The following PLA2G10 variants were observed in gnomAD, a reference collection of about 807,000 sequenced individuals.
PLA2G10 encodes phospholipase A2 group X, also known as group 10 secretory phospholipase A2.
In PLA2G10, 9 loss-of-function variants were observed where a neutral mutation model predicts 7.9. The ratio of observed to expected loss-of-function variants is 1.14; its 90% CI spans 0.68 to 1.98. The LOEUF (loss-of-function observed/expected upper bound fraction) is 1.98, where lower values mean the gene tolerates loss of function less well. PLA2G10 is among the 30% of genes most tolerant of loss of function. PLA2G10 has a pLI of 0.00. For synonymous variants in PLA2G10, 19 were observed against 27.5 expected, an observed-to-expected ratio of 0.69 and a Z score of 0.97; for missense variants, 53 against 65.4, an observed-to-expected ratio of 0.81 and a Z score of 0.66.
At chr16:14,685,385 AAG>A (rs1403455914) in intron 3 of PLA2G10, among the ~76,000 whole-genome samples, 1 of 151,858 alleles carries the variant, frequency 6.6e-6, no homozygotes, top group African/African-American at 2.4e-5. Context: ...AAAAAAAAAA[AAG>A]AAAGAAAATG....
chr16:14,677,059 A>G (rs750651073), intron 3 of PLA2G10, among the ~76,000 whole-genome samples: 5 of 152,204 alleles, frequency 3.3e-5, no homozygotes, highest in Non-Finnish European at 5.9e-5. Context: ...TCACCACTAT[A>G]CAATTCATCC....
At chr16:14,680,183 C>T (rs190868497) in intron 3 of PLA2G10, among the ~76,000 whole-genome samples, 76 of 150,736 alleles carry the variant, frequency 5.0e-4, no homozygotes, top group Middle Eastern at 3.5e-3. Context: ...ATTGCAACCT[C>T]TCTGTCTTCC....
intron 3 of PLA2G10, among the ~76,000 whole-genome samples, chr16:14,676,468 CAGG>C (rs1468920205): frequency 2.0e-5 from 3 of 152,144 alleles, no homozygotes; most frequent in Non-Finnish European, 4.4e-5. Flanking sequence ...ATCACGAGGT[CAGG>C]AGTTCAAGAC....
chr16:14,676,954 G>T (rs1960740816), intron 3 of PLA2G10, among the ~76,000 whole-genome samples: 1 of 151,984 alleles, frequency 6.6e-6, no homozygotes, highest in African/African-American at 2.4e-5. Context: ...GTGGTATAAC[G>T]GACACATTGG....
At chr16:14,676,958 A>C (rs1289017889) in intron 3 of PLA2G10, among the ~76,000 whole-genome samples, 1 of 152,108 alleles carries the variant, frequency 6.6e-6, no homozygotes. Flanking sequence ...TATAACGGAC[A>C]CATTGGAGAC....
intron 3 of PLA2G10, among the ~76,000 whole-genome samples, chr16:14,677,643 A>G (rs1457817004): frequency 6.6e-6 from 1 of 152,110 alleles, no homozygotes; most frequent in Non-Finnish European, 1.5e-5. Context: ...GGCGTGAGCC[A>G]TTGCGCCCGG....
At chr16:14,693,309 CTG>C (rs1177221583) in intron 1 of PLA2G10, among the ~76,000 whole-genome samples, 4,553 of 24,056 alleles carry the variant, frequency 0.19, 1,323 homozygotes, top group Non-Finnish European at 0.21. Context: ...CTGTGCTGCT[CTG>C]TGTGTGTGTG....
intron 3 of PLA2G10, among the ~76,000 whole-genome samples, chr16:14,687,196 A>G (rs551414381): frequency 5.2e-4 from 79 of 152,130 alleles, no homozygotes; most frequent in African/African-American, 1.8e-3. Flanking sequence ...TAAATAATAT[A>G]AAAATAAAAT....
intron 3 of PLA2G10, among the ~76,000 whole-genome samples, chr16:14,684,755 G>A (rs942323150): frequency 6.6e-6 from 1 of 152,170 alleles, no homozygotes; most frequent in Non-Finnish European, 1.5e-5. Context: ...CCAGGAGTTT[G>A]AGGCTGCAGT....
At chr16:14,687,812 C>G (rs1279444647) in intron 3 of PLA2G10, among the ~76,000 whole-genome samples, 5 of 151,484 alleles carry the variant, frequency 3.3e-5, no homozygotes, top group Non-Finnish European at 7.4e-5. Flanking sequence ...GCCTGGCCAA[C>G]TTGGTGAAAC....
intron 3 of PLA2G10, among the ~76,000 whole-genome samples, chr16:14,682,780 G>C (rs1960927959): frequency 6.6e-6 from 1 of 151,562 alleles, no homozygotes; most frequent in African/African-American, 2.4e-5. Flanking sequence ...CATCCAATCT[G>C]TTTCTCAGCT....
chr16:14,678,126 T>C (rs1960777630), intron 3 of PLA2G10, among the ~76,000 whole-genome samples: 1 of 152,112 alleles, frequency 6.6e-6, no homozygotes, highest in African/African-American at 2.4e-5. Flanking sequence ...GAGGGGACTC[T>C]TGAGGAAGGA....
intron 3 of PLA2G10, among the ~76,000 whole-genome samples, chr16:14,676,542 G>A (rs1388559393): frequency 6.6e-6 from 1 of 152,178 alleles, no homozygotes; most frequent in Admixed American, 6.5e-5. Context: ...AGCCAGGCGT[G>A]GTGGCGCATG....
intron 3 of PLA2G10, among the ~76,000 whole-genome samples, chr16:14,678,117 A>T (rs1960777348): frequency 6.6e-6 from 1 of 152,088 alleles, no homozygotes; most frequent in Non-Finnish European, 1.5e-5. Flanking sequence ...TGTAGTGGGG[A>T]GGGGACTCTT....
At chr16:14,684,485 G>A (rs889439472) in intron 3 of PLA2G10, among the ~76,000 whole-genome samples, 3 of 151,934 alleles carry the variant, frequency 2.0e-5, no homozygotes, top group Admixed American at 6.6e-5. Flanking sequence ...GACCAACAGG[G>A]TGAAACCCAG....
intron 3 of PLA2G10, among the ~76,000 whole-genome samples, chr16:14,685,163 G>A (rs1961017006): frequency 6.6e-6 from 1 of 152,072 alleles, no homozygotes; most frequent in African/African-American, 2.4e-5. Context: ...CTTGAGGTCA[G>A]GAGTTCAAGA....
intron 3 of PLA2G10, among the ~76,000 whole-genome samples, chr16:14,676,555 TG>T: frequency 6.6e-6 from 1 of 152,334 alleles, no homozygotes; most frequent in South Asian, 2.1e-4. Context: ...GGCGCATGCC[TG>T]TAGTCCCAGC....
intron 3 of PLA2G10, among the ~76,000 whole-genome samples, chr16:14,676,637 C>A (rs1960732977): frequency 6.6e-6 from 1 of 152,228 alleles, no homozygotes; most frequent in African/African-American, 2.4e-5. Context: ...CAAGATCACG[C>A]CACTGCACTC....
intron 3 of PLA2G10, among the ~76,000 whole-genome samples, chr16:14,676,418 C>T (rs1015676446): frequency 1.3e-5 from 2 of 152,184 alleles, no homozygotes; most frequent in African/African-American, 2.4e-5. Context: ...CAGTGGCTCA[C>T]GCCTATAATG....
Sources: gnomAD v4.1 joint callset for allele counts (sites outside exome capture counted in the v4.1 genomes callset) on GRCh38, gnomAD v4.1.1 for gene constraint, MANE v1.5 for transcripts, NCBI Gene and HGNC (gene_info 2026-07-23, HGNC 2026-07-21) for gene names.